CTNNA2: variants seen among roughly 807,000 people sequenced by gnomAD.
CTNNA2 encodes catenin alpha 2.
A neutral mutation model predicts 101.0 loss-of-function variants in CTNNA2; 42 were observed. The observed-to-expected ratio is 0.42, with a 90% confidence interval of 0.32 to 0.54. The LOEUF (loss-of-function observed/expected upper bound fraction) is 0.54, where lower values mean the gene tolerates loss of function less well. Among genes scored for constraint, CTNNA2 ranks in the 20% least tolerant of loss-of-function variants. The probability of loss-of-function intolerance (pLI) is 0.14; values close to 1 mark genes in which losing one functional copy is unlikely to be tolerated. For synonymous variants in CTNNA2, 450 were observed against 456.4 expected (o/e 0.99, Z 0.18); for missense variants, 871 against 1,223.1 (o/e 0.71, Z 4.29).
chr2:80,101,395 A>T (rs1700532196), intron 7 of CTNNA2, among the ~76,000 whole-genome samples: 1 of 152,316 alleles, frequency 6.6e-6, no homozygotes, highest in South Asian at 2.1e-4. Flanking sequence ...ACCATCTCAC[A>T]CTGACTCCTA....
chr2:79,522,217 T>G (rs1193186061), intron 1 of CTNNA2, among the ~76,000 whole-genome samples: 1 of 152,226 alleles, frequency 6.6e-6, no homozygotes, highest in African/African-American at 2.4e-5. Context: ...GGGCCCACAG[T>G]AATTCCTTCA....
chr2:80,621,672 C>T (rs757987703), intron 18 of CTNNA2, among the ~76,000 whole-genome samples: 3 of 151,860 alleles, frequency 2.0e-5, no homozygotes, highest in Admixed American at 1.3e-4. Flanking sequence ...TTTAAAATTA[C>T]CTATGTAATA....
chr2:79,897,718 T>TAACCAAGA (rs1243406627), intron 6 of CTNNA2, among the ~76,000 whole-genome samples: 3 of 152,188 alleles, frequency 2.0e-5, no homozygotes, highest in African/African-American at 7.2e-5. Context: ...TAAAACCAAA[T>TAACCAAGA]ACCCAAGAAT....
chr2:79,916,030 C>A (rs553492857), intron 7 of CTNNA2, among the ~76,000 whole-genome samples: 3 of 152,158 alleles, frequency 2.0e-5, no homozygotes, highest in Non-Finnish European at 4.4e-5. Context: ...GAATAAGGCT[C>A]ATCGTTGATT....
intron 2 of CTNNA2, among the ~76,000 whole-genome samples, chr2:79,743,930 C>G (rs1415227827): frequency 6.6e-6 from 1 of 152,142 alleles, no homozygotes; most frequent in African/African-American, 2.4e-5. Context: ...GTGTTGGCTA[C>G]TCATTATTTA....
chr2:80,402,442 GTTGGT>G (rs1678641713), intron 8 of CTNNA2, among the ~76,000 whole-genome samples: 2 of 152,112 alleles, frequency 1.3e-5, no homozygotes, highest in Admixed American at 1.3e-4. Flanking sequence ...TAATCACATG[GTTGGT>G]TTCCCTTGCA....
chr2:80,181,135 A>G (rs1705751236), intron 7 of CTNNA2, among the ~76,000 whole-genome samples: 1 of 152,176 alleles, frequency 6.6e-6, no homozygotes, highest in Admixed American at 6.5e-5. Flanking sequence ...GGGGCTTGCC[A>G]GGACTTTAGT....
At chr2:80,005,531 G>T (rs1407613044) in intron 7 of CTNNA2, among the ~76,000 whole-genome samples, 1 of 152,174 alleles carries the variant, frequency 6.6e-6, no homozygotes, top group Non-Finnish European at 1.5e-5. Flanking sequence ...TGCTATGGTA[G>T]AAATCTTGGT....
intron 2 of CTNNA2, among the ~76,000 whole-genome samples, chr2:79,243,912 G>A (rs1327860072): frequency 2.0e-5 from 3 of 152,160 alleles, no homozygotes; most frequent in Admixed American, 6.5e-5. Flanking sequence ...TGATAGTTCC[G>A]TGTTCCACTT....
At chr2:80,484,867 A>G (rs191615738) in intron 9 of CTNNA2, among the ~76,000 whole-genome samples, 1,542 of 152,108 alleles carry the variant, frequency 0.01, 24 homozygotes, top group African/African-American at 0.035. Context: ...TTAGCCGGGC[A>G]AGGTGGTGGG....
rs764202022 is a variant in CTNNA2, at chr2:79,955,461, C to A, written c.1056+45664C>A. ...TCCACAGGTCAGAGTGTAGAGAAGACCACGGTAACAGGGGCAGTTGAAATG... is the reference window on the plus strand; with the variant it reads ...TCCACAGGTCAGAGTGTAGAGAAGAACACGGTAACAGGGGCAGTTGAAATG... On this transcript the variant is annotated intron_variant, in intron 7 of 18. Coordinates refer to ENST00000402739, the MANE Select transcript of CTNNA2 (RefSeq NM_001282597.3). Among the ~76,000 whole-genome samples, 120 of 152,148 alleles carry A rather than the reference C, an allele frequency of 7.9e-4. 1 individual carries two copies. The highest frequency in any genetic ancestry group is 5.7e-3 in the Admixed American group (87 of 15,284).
chr2:80,267,981 G>A (rs908427992), intron 7 of CTNNA2, among the ~76,000 whole-genome samples: 62 of 152,208 alleles, frequency 4.1e-4, no homozygotes, highest in African/African-American at 1.4e-3. Flanking sequence ...AAACTAGGTA[G>A]ATATGGAACT....
At chr2:79,999,109 G>T (rs987019418) in intron 7 of CTNNA2, among the ~76,000 whole-genome samples, 12 of 151,790 alleles carry the variant, frequency 7.9e-5, no homozygotes, top group Non-Finnish European at 4.4e-5. Flanking sequence ...GGACATCTGA[G>T]CCTTGGCCTT....
At chr2:79,204,003 T>C (rs1674069760) in intron 2 of CTNNA2, among the ~76,000 whole-genome samples, 1 of 152,216 alleles carries the variant, frequency 6.6e-6, no homozygotes, top group South Asian at 2.1e-4. Context: ...ACCCATTAAA[T>C]GTAGGAACAG....
intron 18 of CTNNA2, among the ~76,000 whole-genome samples, chr2:80,632,352 G>A (rs776003323): frequency 4.0e-5 from 6 of 151,522 alleles, no homozygotes; most frequent in Non-Finnish European, 7.4e-5. Flanking sequence ...CAGAATAAAT[G>A]GCAACCAGAT....
chr2:80,184,577 G>A (rs975482166), intron 7 of CTNNA2, among the ~76,000 whole-genome samples: 1 of 152,116 alleles, frequency 6.6e-6, no homozygotes, highest in Admixed American at 6.5e-5. Context: ...GACTTAAACT[G>A]GTCTGAAAAT....
intron 1 of CTNNA2, among the ~76,000 whole-genome samples, chr2:79,562,218 A>C (rs1465225956): frequency 2.1e-4 from 32 of 152,072 alleles, no homozygotes; most frequent in Admixed American, 2.1e-3. Context: ...CATTGATAGA[A>C]ATGTAAGGGT....
At chr2:80,601,519 TGATAA>T in intron 15 of CTNNA2, 1 of 151,134 alleles carries the variant, frequency 6.6e-6, no homozygotes, top group Non-Finnish European at 1.5e-5. Context: ...TGGTCTGTTT[TGATAA>T]TTTATATTCT....
At chr2:79,318,281 T>C (rs2104406601) in intron 3 of CTNNA2, among the ~76,000 whole-genome samples, 1 of 152,296 alleles carries the variant, frequency 6.6e-6, no homozygotes, top group East Asian at 1.9e-4. Context: ...TTCTTCATCG[T>C]TGTTCTTCTT....
Sources: allele counts gnomAD v4.1 joint callset (sites outside exome capture counted in the v4.1 genomes callset), GRCh38; gene constraint gnomAD v4.1.1; transcripts MANE v1.5; gene names NCBI Gene and HGNC (gene_info 2026-07-23, HGNC 2026-07-21).